GALNT13: variants seen among roughly 807,000 people sequenced by gnomAD.
GALNT13 encodes the protein UDP-GalNAc:polypeptide N-acetylgalactosaminyltransferase 13.
A neutral mutation model predicts 64.2 loss-of-function variants in GALNT13; 28 were observed. The observed-to-expected ratio is 0.44, with a 90% CI of 0.32 to 0.60. The LOEUF (loss-of-function observed/expected upper bound fraction) is 0.60. Among genes scored for constraint, GALNT13 ranks in the 20% least tolerant of loss-of-function variants. GALNT13 has a pLI of 0.05. For missense variants in GALNT13, 577 were observed against 669.8 expected, an observed-to-expected ratio of 0.86 and a Z score of 1.53; for synonymous variants, 214 against 224.6, an observed-to-expected ratio of 0.95 and a Z score of 0.42.
chr2:153,479,336 T>A, the GALNT13 span, among the ~76,000 whole-genome samples: 1 of 150,312 alleles, frequency 6.7e-6, no homozygotes, highest in Non-Finnish European at 1.5e-5. Context: ...CAGAAAGGCA[T>A]GGAAGAAGGA....
intron 2 of GALNT13, among the ~76,000 whole-genome samples, chr2:153,905,752 A>C (rs754533866): frequency 6.6e-6 from 1 of 151,930 alleles, no homozygotes; most frequent in African/African-American, 2.4e-5. Context: ...TCCCTTTATT[A>C]TTTTCTTAAA....
At chr2:153,242,480 T>A in the GALNT13 span, among the ~76,000 whole-genome samples, 6 of 152,326 alleles carry the variant, frequency 3.9e-5, no homozygotes, top group South Asian at 1.0e-3. Flanking sequence ...ATAATCTTAG[T>A]TAAAACTTAT....
At chr2:153,855,480 A>G in the GALNT13 span, among the ~76,000 whole-genome samples, 1 of 152,196 alleles carries the variant, frequency 6.6e-6, no homozygotes, top group Non-Finnish European at 1.5e-5. Flanking sequence ...AAGCACATGG[A>G]AAAATGCTCA....
intron 4 of GALNT13, among the ~76,000 whole-genome samples, chr2:154,145,100 C>CTATATATATATATATATA (rs1553484442): frequency 1.7e-5 from 2 of 119,526 alleles, no homozygotes; most frequent in African/African-American, 6.1e-5. Flanking sequence ...ATCTATCTAT[C>CTATATATATATATATATA]TATATATATA....
chr2:153,650,017 C>T, the GALNT13 span, among the ~76,000 whole-genome samples: 1 of 152,020 alleles, frequency 6.6e-6, no homozygotes, highest in African/African-American at 2.4e-5. Flanking sequence ...CCTGAATATC[C>T]TTGTTAACTT....
the GALNT13 span, among the ~76,000 whole-genome samples, chr2:153,688,990 G>GT: frequency 5.6e-5 from 6 of 106,356 alleles, no homozygotes; most frequent in Non-Finnish European, 6.0e-5. Context: ...GTAGAGGTAG[G>GT]GGTGTGTGTG....
At chr2:153,248,629 C>T in the GALNT13 span, among the ~76,000 whole-genome samples, 12 of 151,508 alleles carry the variant, frequency 7.9e-5, no homozygotes, top group African/African-American at 1.2e-4. Flanking sequence ...CTGGCTAACA[C>T]GGTGAAACGC....
chr2:153,825,116 G>A, the GALNT13 span, among the ~76,000 whole-genome samples: 2 of 152,132 alleles, frequency 1.3e-5, no homozygotes, highest in African/African-American at 2.4e-5. Context: ...GCTGTGAATT[G>A]CTGTGAATGT....
chr2:153,571,708 A>G, the GALNT13 span, among the ~76,000 whole-genome samples: 1 of 151,970 alleles, frequency 6.6e-6, no homozygotes, highest in Non-Finnish European at 1.5e-5. Context: ...AACACATCAT[A>G]TGGTTTTTAT....
At chr2:153,772,218 A>G in the GALNT13 span, among the ~76,000 whole-genome samples, 10 of 152,300 alleles carry the variant, frequency 6.6e-5, no homozygotes, top group East Asian at 1.5e-3. Flanking sequence ...TGCCGCTTCC[A>G]GGTCACCAAA....
chr2:153,302,989 G>A, the GALNT13 span, among the ~76,000 whole-genome samples: 1 of 152,128 alleles, frequency 6.6e-6, no homozygotes, highest in African/African-American at 2.4e-5. Context: ...GATGCCTCCA[G>A]CTTTGTTCTT....
the GALNT13 span, among the ~76,000 whole-genome samples, chr2:153,833,908 T>C: frequency 6.6e-6 from 1 of 152,138 alleles, no homozygotes; most frequent in Non-Finnish European, 1.5e-5. Flanking sequence ...TATTCCTTTT[T>C]GATTCCCTTC....
chr2:153,851,184 A>G, the GALNT13 span, among the ~76,000 whole-genome samples: 1 of 152,182 alleles, frequency 6.6e-6, no homozygotes, highest in African/African-American at 2.4e-5. Flanking sequence ...ACAAAGAAAG[A>G]CAAAGATCAA....
At chr2:153,369,624 A>G in the GALNT13 span, among the ~76,000 whole-genome samples, 1 of 152,144 alleles carries the variant, frequency 6.6e-6, no homozygotes, top group Non-Finnish European at 1.5e-5. Context: ...CTTGCCTCTA[A>G]TGAGTAAAAT....
the GALNT13 span, among the ~76,000 whole-genome samples, chr2:153,715,871 G>C: frequency 2.0e-5 from 3 of 147,502 alleles, no homozygotes; most frequent in Non-Finnish European, 4.5e-5. Flanking sequence ...TTGGATGTCA[G>C]AGCTGTAACC....
chr2:153,483,389 G>T, the GALNT13 span, among the ~76,000 whole-genome samples: 3 of 146,980 alleles, frequency 2.0e-5, no homozygotes, highest in African/African-American at 7.5e-5. Context: ...ATATTATTCC[G>T]CCTTAAAAAG....
the GALNT13 span, among the ~76,000 whole-genome samples, chr2:153,682,726 G>A: frequency 6.6e-6 from 1 of 151,722 alleles, no homozygotes; most frequent in African/African-American, 2.4e-5. Context: ...ATTATTTGAT[G>A]TTTATGATAA....
At chr2:153,560,769 G>T in the GALNT13 span, among the ~76,000 whole-genome samples, 1 of 151,946 alleles carries the variant, frequency 6.6e-6, no homozygotes, top group African/African-American at 2.4e-5. Context: ...CCCACCACAT[G>T]CTCTTCAGCC....
At chr2:154,368,995 C>A (rs1559117796) in intron 9 of GALNT13, among the ~76,000 whole-genome samples, 2 of 48,998 alleles carry the variant, frequency 4.1e-5, no homozygotes, top group African/African-American at 1.3e-4. Flanking sequence ...AAGAAGACAC[C>A]GAGTTGTTGT....
Sources: gnomAD v4.1 joint callset for allele counts (sites outside exome capture counted in the v4.1 genomes callset) on GRCh38, gnomAD v4.1.1 for gene constraint, MANE v1.5 for transcripts, NCBI Gene and HGNC (gene_info 2026-07-23, HGNC 2026-07-21) for gene names.